The following PPARA variants were observed in gnomAD, a reference collection of about 807,000 sequenced individuals.
The protein encoded by PPARA is peroxisome proliferator-activated receptor alpha.
In PPARA, 22 loss-of-function variants were observed where a neutral mutation model predicts 42.2. That is an observed-to-expected ratio of 0.52 (90% CI 0.37 to 0.74). The LOEUF is 0.74. Among genes scored for constraint, PPARA ranks in the 30% least tolerant of loss-of-function variants. The pLI, the probability that PPARA is intolerant of heterozygous loss-of-function variation, is 0.00. For synonymous variants in PPARA, 242 were observed against 239.3 expected, an observed-to-expected ratio of 1.01 and a Z score of -0.10; for missense variants, 465 against 608.2, an observed-to-expected ratio of 0.76 and a Z score of 2.48.
rs752340599 is a variant in PPARA, at chr22:46,234,307, AAAC to A, written c.1160-823_1160-821del. 2.6e-5 allele frequency among the ~76,000 whole-genome samples: 4 copies of A among 152,308 alleles called. No individual in the cohort carries two copies. The highest frequency in any genetic ancestry group is 5.9e-5 in the Non-Finnish European group (4 of 68,030). ...ACTTAATAATTACATTTACAACCAAAAACAATGAAGATGTTTAAATCCTCATCA... is the reference window on the plus strand; with the variant it reads ...ACTTAATAATTACATTTACAACCAAAAATGAAGATGTTTAAATCCTCATCA... On this transcript the variant is annotated intron_variant, in intron 8 of 8. Coordinates refer to ENST00000407236, the MANE Select transcript of PPARA (RefSeq NM_005036.6). The surrounding 1 kb of genome is among the most constrained non-coding windows in gnomAD (Gnocchi z 5.8).
chr22:46,162,132 C>T lies in PPARA; in HGVS notation c.-127+10162C>T, dbSNP rs1319732396. 6.6e-6 allele frequency among the ~76,000 whole-genome samples: 1 copy of T among 152,220 alleles called. No individual in the cohort carries two copies. Among genetic ancestry groups the T allele is most frequent in the Non-Finnish European group, 1.5e-5 (1 of 68,038 alleles). ...CCACTTAGCAGCTCTCAGATGCAGACAGATTTTTCAGCTGGCCTGTGGCTC... is the reference window on the plus strand; with the variant it reads ...CCACTTAGCAGCTCTCAGATGCAGATAGATTTTTCAGCTGGCCTGTGGCTC... On this transcript the variant is annotated intron_variant, in intron 2 of 8. Coordinates refer to ENST00000407236, the MANE Select transcript of PPARA (RefSeq NM_005036.6). The surrounding 1 kb of genome is among the most constrained non-coding windows in gnomAD (Gnocchi z 6.0).
rs1311018287 is a variant in PPARA at position 46,160,956 on chromosome 22, C to T, written c.-127+8986C>T. Among the ~76,000 whole-genome samples the T allele has an allele frequency of 6.6e-6, 1 of 152,144 alleles. No individual in the cohort carries two copies. Among genetic ancestry groups the T allele is most frequent in the Non-Finnish European group, 1.5e-5 (1 of 68,034 alleles). On this transcript the variant is annotated intron_variant, in intron 2 of 8. Transcript: ENST00000407236. This position sits in a 1 kb window ranked among gnomAD's most constrained non-coding sequence, Gnocchi z 4.5. The stretch of plus-strand genomic sequence containing the variant: ...ATTGGCTTTTTTTCCTGTTGCATTC[C>T]CTTTACTTAGATGAATCTAGCAAGG...
Position 46,209,934 on chromosome 22 carries a change from C to T in PPARA, c.209-5239C>T, listed in dbSNP as rs565668665. ...CTAATTTTTAAATTTTTTGAAGAGA[C>T]GGGTCTCACTTTGTTGCCCAGACTG... On this transcript the variant is annotated intron_variant, in intron 4 of 8. Coordinates refer to ENST00000407236, the MANE Select transcript of PPARA (RefSeq NM_005036.6). Among the ~76,000 whole-genome samples, 44 of 152,094 alleles carry T rather than the reference C, an allele frequency of 2.9e-4. 1 individual carries two copies. The South Asian group carries it at 7.9e-3, about 27-fold the overall frequency.
chr22:46,207,553 G>A (rs1369185943), intron 4 of PPARA, among the ~76,000 whole-genome samples: 2 of 148,916 alleles, frequency 1.3e-5, no homozygotes, highest in Non-Finnish European at 3.0e-5. Context: ...AAAGTGCTGG[G>A]ATTACAGGCA....
At chr22:46,199,805 G>A (rs973204549) in intron 4 of PPARA, among the ~76,000 whole-genome samples, 3 of 152,022 alleles carry the variant, frequency 2.0e-5, no homozygotes, top group Non-Finnish European at 2.9e-5. Context: ...CCACTACAAC[G>A]TCCATCTTCC....
intron 4 of PPARA, among the ~76,000 whole-genome samples, chr22:46,201,963 C>T (rs182996026): frequency 2.0e-4 from 31 of 152,246 alleles, no homozygotes; most frequent in African/African-American, 7.2e-4. Context: ...GCAGCCCCAC[C>T]CCCAGGGTGA....
Position 46,238,399 on chromosome 22 carries a change from T to A in PPARA, c.*3019T>A, listed in dbSNP as rs1188402117. ...AGAGTGCATTTCTTGCTTGCTGGGT[T>A]TCAACAGACATCAGCCAAAAGAACA... On this transcript the variant is annotated 3_prime_UTR_variant, in exon 9 of 9. Transcript: ENST00000407236. This position sits in a 1 kb window ranked among gnomAD's most constrained non-coding sequence, Gnocchi z 8.3. 2 of 152,224 alleles carry A rather than the reference T, an allele frequency of 1.3e-5. No homozygotes were observed. The highest frequency in any genetic ancestry group is 4.8e-5 in the African/African-American group (2 of 41,458). The allele number at this position is 152,224 out of a possible 1,614,324, so 9.4% of individuals were successfully genotyped here.
At position 46,198,358 on chromosome 22, in the gene PPARA, G is replaced by A. The variant is rs769784767; in HGVS notation, c.-26G>A. The A allele has an allele frequency of 8.1e-6, 13 of 1,609,806 alleles. No homozygotes were observed. Among genetic ancestry groups the A allele is most frequent in the South Asian group, 1.1e-5 (1 of 90,994 alleles). On this transcript the variant is annotated 5_prime_UTR_variant, in exon 4 of 9. Transcript: ENST00000407236. ...TCCTCCCAGTAGCTTGGAGCTCGGC[G>A]GCACAACCAGCACCATCTGGTCGCG... is the stretch of plus-strand genomic sequence containing the variant.
At position 46,237,887 on chromosome 22, in the gene PPARA, G is replaced by A. The variant is rs142737602; in HGVS notation, c.*2507G>A. 1,674 of 152,420 alleles carry A rather than the reference G, an allele frequency of 0.011. 21 individuals are homozygous for A. The highest frequency in any genetic ancestry group is 0.017 in the Non-Finnish European group (1,177 of 68,108). 9.4% of individuals were successfully genotyped at this position (152,420 alleles called of 1,614,324 possible). ...ATGCCAAGCCTGTGTTGTCCCCAGC[G>A]ACCCTGCAGCTGCTCGCTCTGATGT... On this transcript the variant is annotated 3_prime_UTR_variant, in exon 9 of 9. Coordinates refer to ENST00000407236, the MANE Select transcript of PPARA (RefSeq NM_005036.6). This position sits in a 1 kb window ranked among gnomAD's most constrained non-coding sequence, Gnocchi z 6.7.
chr22:46,185,916 AATATATATATATATATATAT>A (rs59733161), intron 3 of PPARA, among the ~76,000 whole-genome samples: 1 of 25,306 alleles, frequency 4.0e-5, no homozygotes, highest in Non-Finnish European at 6.2e-5. Flanking sequence ...AAAAAAAAAA[AATATATATATATATATATAT>A]ATATATATAT....
At chr22:46,153,120 A>G (rs1924703129) in intron 2 of PPARA, among the ~76,000 whole-genome samples, 1 of 149,630 alleles carries the variant, frequency 6.7e-6, no homozygotes, top group African/African-American at 2.5e-5. Flanking sequence ...TAATTAACTA[A>G]TTGACATTAG....
intron 5 of PPARA, among the ~76,000 whole-genome samples, chr22:46,217,828 T>C (rs1191718016): frequency 3.4e-5 from 3 of 88,528 alleles, no homozygotes; most frequent in Non-Finnish European, 8.0e-5. Context: ...TCTTTTTTTT[T>C]TTTTTTTTTT....
intron 5 of PPARA, 136 bp downstream of exon 5, chr22:46,215,469 A>G: frequency 8.8e-7 from 1 of 1,132,998 alleles, no homozygotes. Flanking sequence ...CAGGCGCGGT[A>G]TCTCATGCCT....
At chr22:46,172,654 G>C (rs990716434) in intron 2 of PPARA, among the ~76,000 whole-genome samples, 1 of 152,124 alleles carries the variant, frequency 6.6e-6, no homozygotes, top group Non-Finnish European at 1.5e-5. Context: ...CCAAACGATC[G>C]ACAAACCAGA....
Position 46,240,526 on chromosome 22 carries a change from T to C in PPARA, c.*5146T>C. ...TGCAGGGATCCCGAGGGATTACTTTTTAGACCTTCTTTCACATTCAGAAAA... is the reference window on the plus strand; with the variant it reads ...TGCAGGGATCCCGAGGGATTACTTTCTAGACCTTCTTTCACATTCAGAAAA... On this transcript the variant is annotated 3_prime_UTR_variant, in exon 9 of 9. Transcript: ENST00000407236. The surrounding 1 kb of genome is among the most constrained non-coding windows in gnomAD (Gnocchi z 6.0). The C allele has an allele frequency of 3.0e-6, 1 of 337,838 alleles. No homozygotes were observed. The highest frequency in any genetic ancestry group is 4.5e-5 in the East Asian group (1 of 22,336). The allele number at this position is 337,838 out of a possible 1,614,324, so 20.9% of individuals were successfully genotyped here. A position where few individuals can be genotyped will look rare whatever the true frequency, so the allele number is the denominator to read the frequency against.
chr22:46,158,023 A>G (rs1409756712), intron 2 of PPARA, among the ~76,000 whole-genome samples: 1 of 152,230 alleles, frequency 6.6e-6, no homozygotes, highest in Non-Finnish European at 1.5e-5. Flanking sequence ...TTCCAAGATT[A>G]TGAGCTTCAT....
intron 3 of PPARA, among the ~76,000 whole-genome samples, chr22:46,185,625 T>A (rs1270819059): frequency 6.6e-6 from 1 of 151,730 alleles, no homozygotes; most frequent in African/African-American, 2.4e-5. Flanking sequence ...CTGGGCGCGG[T>A]GGCTCACATC....
rs528352611 is a variant in PPARA, at chr22:46,182,543, C to T, written c.-43+5707C>T. Among the ~76,000 whole-genome samples the T allele has an allele frequency of 6.6e-6, 1 of 152,222 alleles. No individual in the cohort carries two copies. Among genetic ancestry groups the T allele is most frequent in the East Asian group, 1.9e-4 (1 of 5,176 alleles). ...GTAATGACAGGAAGCAGACCAGTGA[C>T]AGTGGGCATGGAGGGGCAAGAGGGA... On this transcript the variant is annotated intron_variant, in intron 3 of 8. Transcript: ENST00000407236. This position sits in a 1 kb window ranked among gnomAD's most constrained non-coding sequence, Gnocchi z 5.2.
At chr22:46,201,159 C>A (rs563444728) in intron 4 of PPARA, among the ~76,000 whole-genome samples, 1 of 151,664 alleles carries the variant, frequency 6.6e-6, no homozygotes, top group Non-Finnish European at 1.5e-5. Context: ...TAACCTGCCA[C>A]GGTTCATACA....
Sources: allele counts gnomAD v4.1 joint callset (sites outside exome capture counted in the v4.1 genomes callset), GRCh38; gene constraint gnomAD v4.1.1; non-coding constraint Gnocchi (gnomAD v3.1); transcripts MANE v1.5; gene names NCBI Gene and HGNC (gene_info 2026-07-23, HGNC 2026-07-21).